The following EIF4G3 variants were observed in gnomAD, a reference collection of about 807,000 sequenced individuals.
The protein encoded by EIF4G3 is eIF-4-gamma 3.
A neutral mutation model predicts 186.4 loss-of-function variants in EIF4G3; 34 were observed. The ratio of observed to expected loss-of-function variants is 0.18; its 90% confidence interval spans 0.14 to 0.24. The LOEUF (loss-of-function observed/expected upper bound fraction) is 0.24. Among genes scored for constraint, EIF4G3 ranks in the 10% least tolerant of loss-of-function variants. The pLI, the probability that EIF4G3 is intolerant of heterozygous loss-of-function variation, is 1.00. For synonymous variants in EIF4G3, 673 were observed against 679.5 expected, an observed-to-expected ratio of 0.99 and a Z score of 0.15; for missense variants, 1,536 against 1,948.5, an observed-to-expected ratio of 0.79 and a Z score of 3.99.
intron 24 of EIF4G3, among the ~76,000 whole-genome samples, chr1:20,858,076 C>G (rs1373230532): frequency 6.6e-6 from 1 of 152,184 alleles, no homozygotes. Flanking sequence ...ACACCCCTTT[C>G]CTAGATTACT....
In EIF4G3 at chr1:20,941,563, C is replaced by A; in HGVS notation, c.1591G>T (p.Val531Leu). The A allele has an allele frequency of 1.2e-6, 2 of 1,614,092 alleles. No homozygotes were observed. Among genetic ancestry groups the A allele is most frequent in the Non-Finnish European group, 1.7e-6 (2 of 1,179,988 alleles). The change falls in exon 14 of 37, where the codon GTA (valine) becomes TTA (leucine). Residue 531 changes from valine (V) to leucine (L), a missense_variant. Val to Leu is a conservative substitution (Grantham distance 32). Transcript: ENST00000602326. ...TCTTCTGTTTGCCCATCTGCTTCTA[C>A]CTCTATTTTGTTCTGAATCTCTTTT... ...DAKEIQNKIE[V>L]EADGQTEEIL...
intron 30 of EIF4G3, among the ~76,000 whole-genome samples, chr1:20,839,134 C>T (rs976090142): frequency 3.9e-5 from 6 of 152,064 alleles, no homozygotes; most frequent in Non-Finnish European, 5.9e-5. Flanking sequence ...CGTGCCACCA[C>T]GCCCGGCTAA....
chr1:20,900,506 T>C (rs576634690), intron 15 of EIF4G3, among the ~76,000 whole-genome samples: 116 of 132,508 alleles, frequency 8.8e-4, no homozygotes, highest in African/African-American at 2.8e-3. Context: ...AGAAAAATCT[T>C]GTATATAAAA....
intron 2 of EIF4G3, among the ~76,000 whole-genome samples, chr1:21,132,216 C>T (rs1202803702): frequency 6.6e-6 from 1 of 151,970 alleles, no homozygotes; most frequent in Non-Finnish European, 1.5e-5. Flanking sequence ...CAAACATTTT[C>T]CTTAACATTC....
chr1:20,936,303 T>G (rs1405866402), intron 14 of EIF4G3, among the ~76,000 whole-genome samples: 1 of 152,218 alleles, frequency 6.6e-6, no homozygotes, highest in Non-Finnish European at 1.5e-5. Context: ...AACCTTTATT[T>G]ATCCCTAAGG....
intron 23 of EIF4G3, among the ~76,000 whole-genome samples, 155 bp from the exon 24 acceptor site, chr1:20,860,672 G>A (rs1557961294): frequency 6.6e-6 from 1 of 152,184 alleles, no homozygotes; most frequent in Non-Finnish European, 1.5e-5. Context: ...ACTATGAGCA[G>A]TTTAGGATTA....
chr1:21,104,709 T>C (rs771453857), intron 2 of EIF4G3, among the ~76,000 whole-genome samples: 1 of 152,224 alleles, frequency 6.6e-6, no homozygotes, highest in African/African-American at 2.4e-5. Context: ...AATCCCATTA[T>C]TGGGTATATA....
At chr1:20,953,735 C>T (rs893384522) in intron 12 of EIF4G3, among the ~76,000 whole-genome samples, 7 of 152,192 alleles carry the variant, frequency 4.6e-5, no homozygotes, top group African/African-American at 1.7e-4. Flanking sequence ...TCAACAACTA[C>T]AATCCTGGGG....
chr1:21,021,533 A>T (rs1416420358), intron 4 of EIF4G3, among the ~76,000 whole-genome samples: 1 of 152,056 alleles, frequency 6.6e-6, no homozygotes, highest in Non-Finnish European at 1.5e-5. Flanking sequence ...CCATACTCTG[A>T]CATACTTAAG....
intron 3 of EIF4G3, among the ~76,000 whole-genome samples, chr1:21,082,955 A>G (rs1037768467): frequency 1.4e-5 from 2 of 143,752 alleles, no homozygotes; most frequent in African/African-American, 2.6e-5. Flanking sequence ...GGAGAATGGC[A>G]TGAACCTGGG....
At chr1:21,035,773 G>A (rs576159251) in intron 4 of EIF4G3, among the ~76,000 whole-genome samples, 16 of 152,300 alleles carry the variant, frequency 1.1e-4, no homozygotes, top group Admixed American at 5.2e-4. Context: ...CAGAAGGGGC[G>A]AGTCCTCAGT....
At chr1:20,904,790 C>A in intron 15 of EIF4G3, 93 bp downstream of exon 15, 1 of 834,164 alleles carries the variant, frequency 1.2e-6, no homozygotes, top group Admixed American at 2.7e-5. Context: ...TTAAGTTTTG[C>A]TTGGAAAACT....
chr1:20,903,963 C>G (rs2091295831), intron 15 of EIF4G3, among the ~76,000 whole-genome samples: 1 of 152,114 alleles, frequency 6.6e-6, no homozygotes, highest in Non-Finnish European at 1.5e-5. Flanking sequence ...TTACATTGCT[C>G]TTCATTTATA....
intron 3 of EIF4G3, among the ~76,000 whole-genome samples, chr1:21,058,717 CTCTTTTTTTTTTT>C (rs377242482): frequency 4.8e-5 from 5 of 104,620 alleles, no homozygotes; most frequent in Non-Finnish European, 3.6e-5. Context: ...CTCTCTCTCT[CTCTTTTTTTTTTT>C]TTTTTTTTTT....
rs377492268 is a variant in EIF4G3, at chr1:20,813,282, A to G, written c.4516-43T>C. 8.2e-6 allele frequency: 12 copies of G among 1,460,980 alleles called. No individual in the cohort carries two copies. In the African/African-American group the frequency reaches 1.7e-4, roughly 20 times the overall value. 90.5% of individuals were successfully genotyped at this position (1,460,980 alleles called of 1,614,324 possible). ...TAAAACAATTAAAGATACCTTGCTC[A>G]GCCAGGCACAGAGGCTCATGCCTGT... On this transcript the variant is annotated intron_variant, in intron 34 of 36. Coordinates refer to ENST00000602326, the MANE Select transcript of EIF4G3 (RefSeq NM_001391906.1).
intron 2 of EIF4G3, among the ~76,000 whole-genome samples, chr1:21,106,112 A>G (rs1340454227): frequency 6.8e-6 from 1 of 147,632 alleles, no homozygotes; most frequent in Non-Finnish European, 1.5e-5. Flanking sequence ...CTATGCTGAG[A>G]GTAGCAATTA....
In EIF4G3 at chr1:20,810,236, C is replaced by T. The variant is rs560312078; in HGVS notation, c.4744+502G>A. Among the ~76,000 whole-genome samples, 1 of 151,944 alleles carries T rather than the reference C, an allele frequency of 6.6e-6. No individual in the cohort carries two copies. Among genetic ancestry groups the T allele is most frequent in the East Asian group, 1.9e-4 (1 of 5,158 alleles). On this transcript the variant is annotated intron_variant, in intron 36 of 36. Coordinates refer to ENST00000602326, the MANE Select transcript of EIF4G3 (RefSeq NM_001391906.1). The surrounding 1 kb of genome is among the most constrained non-coding windows in gnomAD (Gnocchi z 4.1). ...GTGGCATGCTCTTGGATCACTGTAA[C>T]CTCCGCCTCCTGGGTTCAAGCGATT...
At chr1:21,154,738 G>A (rs1207154186) in intron 2 of EIF4G3, among the ~76,000 whole-genome samples, 2 of 152,128 alleles carry the variant, frequency 1.3e-5, no homozygotes, top group Non-Finnish European at 2.9e-5. Context: ...ATAAGGAGAT[G>A]CAGATATATG....
In EIF4G3 at chr1:21,033,179, T is replaced by C. The variant is rs191608769; in HGVS notation, c.-67+17687A>G. On this transcript the variant is annotated intron_variant, in intron 4 of 36. Coordinates refer to ENST00000602326, the MANE Select transcript of EIF4G3 (RefSeq NM_001391906.1). ...TACTCTATATATCAGTTTTACCTGATGTGTAAGTTTTTGTTGTTTTTATTT... is the reference window on the plus strand; with the variant it reads ...TACTCTATATATCAGTTTTACCTGACGTGTAAGTTTTTGTTGTTTTTATTT... 2.6e-5 allele frequency among the ~76,000 whole-genome samples: 4 copies of C among 152,352 alleles called. No homozygotes were observed. In the East Asian group the frequency reaches 7.7e-4, roughly 29 times the overall value.
Sources: gnomAD v4.1 joint callset for allele counts (sites outside exome capture counted in the v4.1 genomes callset) on GRCh38, gnomAD v4.1.1 for gene constraint, Gnocchi (gnomAD v3.1) non-coding constraint, MANE v1.5 for transcripts, NCBI Gene and HGNC (gene_info 2026-07-23, HGNC 2026-07-21) for gene names.